Variants in CATSPERD observed in about 807,000 individuals in gnomAD.
The protein encoded by CATSPERD is cation channel sperm-associated auxiliary subunit delta.
Under a neutral mutation model 98.1 loss-of-function variants are expected in CATSPERD, and 86 were observed. The observed-to-expected ratio is 0.88, with a 90% CI of 0.74 to 1.05. The LOEUF is 1.05. Among genes scored for constraint, CATSPERD ranks in the 50% least tolerant of loss-of-function variants. The pLI is 0.00. For missense variants in CATSPERD, 995 were observed against 1,005.7 expected (o/e 0.99, Z 0.14); for synonymous variants, 394 against 390.2 (o/e 1.01, Z -0.12).
In CATSPERD at chr19:5,766,092, C is replaced by T; in HGVS notation, c.1507-11C>T. On this transcript the variant is annotated splice_polypyrimidine_tract_variant and intron_variant, in intron 16 of 21. Coordinates refer to ENST00000381624, the MANE Select transcript of CATSPERD (RefSeq NM_152784.4). ...GACCTGGGTCCATATTTCTGTCTCT[C>T]TCCTCTGCAGTCGACACTGATTTCA... is the stretch of plus-strand genomic sequence containing the variant. 1.9e-6 allele frequency: 3 copies of T among 1,611,246 alleles called. No individual in the cohort carries two copies. The highest frequency in any genetic ancestry group is 1.3e-5 in the African/African-American group (1 of 74,898).
intron 19 of CATSPERD, 85 bp downstream of exon 19, chr19:5,771,157 AG>A (rs1464088562): frequency 2.8e-6 from 4 of 1,421,332 alleles, no homozygotes; most frequent in Non-Finnish European, 3.8e-6. Flanking sequence ...CTGGCCCTCC[AG>A]GCTCCCCTAG....
chr19:5,722,730 A>ACCCC (rs34338163), intron 1 of CATSPERD, among the ~76,000 whole-genome samples: 4 of 140,002 alleles, frequency 2.9e-5, no homozygotes, highest in African/African-American at 8.1e-5. Context: ...GTTTATCAAG[A>ACCCC]CCCCCCCCCC....
At chr19:5,762,056 A>ATATATATATATATATATATATATATGTAT (rs1555725338) in intron 15 of CATSPERD, among the ~76,000 whole-genome samples, 1 of 14,480 alleles carries the variant, frequency 6.9e-5, no homozygotes, top group Non-Finnish European at 1.6e-4. Context: ...ATATATATAT[A>ATATATATATATATATATATATATATGTAT]TATTTTTTTT....
chr19:5,736,452 C>T (rs1028159767), intron 5 of CATSPERD, among the ~76,000 whole-genome samples: 2 of 152,170 alleles, frequency 1.3e-5, no homozygotes, highest in Admixed American at 6.6e-5. Flanking sequence ...CGCGGTGGCT[C>T]ATGCCTGTAA....
chr19:5,738,352 C>CAAAAACAAAAAAA (rs2055888706), intron 6 of CATSPERD, among the ~76,000 whole-genome samples: 1 of 104,954 alleles, frequency 9.5e-6, no homozygotes, highest in Admixed American at 1.1e-4. Context: ...ACTCAAAATA[C>CAAAAACAAAAAAA]AAAAAAAAAA....
chr19:5,762,059 T>TATA lies in CATSPERD; in HGVS notation c.1428-1156_1428-1155insATA, dbSNP rs1491269022. Among the ~76,000 whole-genome samples the TATA allele has an allele frequency of 2.7e-4, 5 of 18,626 alleles. No homozygotes were observed. The Admixed American group carries it at 3.3e-3, about 12-fold the overall frequency. The allele number at this position is 18,626 out of a possible 152,430, so 12.2% of individuals were successfully genotyped here. A position where few individuals can be genotyped will look rare whatever the true frequency, so the allele number is the denominator to read the frequency against. On this transcript the variant is annotated intron_variant, in intron 15 of 21. Transcript: ENST00000381624. Reference sequence around the variant, plus strand: ...GGCCTGCCATATATATATATATATATTTTTTTTTTTTTTTTTTTTTTTGAG... The same window carrying TATA: ...GGCCTGCCATATATATATATATATATATATTTTTTTTTTTTTTTTTTTTTTGAG...
chr19:5,757,319 C>T (rs1302558292), intron 13 of CATSPERD, among the ~76,000 whole-genome samples: 9 of 133,826 alleles, frequency 6.7e-5, no homozygotes, highest in African/African-American at 1.4e-4. Flanking sequence ...TTTTTTGAGA[C>T]GGAATCTTGC....
chr19:5,749,440 TCAA>T lies in CATSPERD; in HGVS notation c.987+268_987+270del, dbSNP rs754303221. Among the ~76,000 whole-genome samples the T allele has an allele frequency of 1.8e-3, 271 of 152,134 alleles. 1 individual carries two copies. The highest frequency in any genetic ancestry group is 2.1e-3 in the Non-Finnish European group (144 of 68,000). On this transcript the variant is annotated intron_variant, in intron 11 of 21. Transcript: ENST00000381624. The stretch of plus-strand genomic sequence containing the variant: ...CTGGAAGGCAGAGTAAGACTCTGTC[TCAA>T]CAACAACAACGACAACAGAAAGTGG...
At chr19:5,732,990 T>C in intron 4 of CATSPERD, among the ~76,000 whole-genome samples, 1 of 151,938 alleles carries the variant, frequency 6.6e-6, no homozygotes, top group East Asian at 1.9e-4. Flanking sequence ...AATGTTTTTT[T>C]TCTTTTCTTT....
At chr19:5,742,213 T>C (rs930496269) in intron 7 of CATSPERD, among the ~76,000 whole-genome samples, 1 of 49,088 alleles carries the variant, frequency 2.0e-5, no homozygotes. Flanking sequence ...TGTGTGCATG[T>C]GTGTACATGT....
rs1300915979 is a variant in CATSPERD, at chr19:5,759,080, C to G, written c.1369-6C>G. 2 of 1,613,682 alleles carry G rather than the reference C, an allele frequency of 1.2e-6. No homozygotes were observed. Among genetic ancestry groups the G allele is most frequent in the South Asian group, 1.1e-5 (1 of 91,080 alleles). On this transcript the variant is annotated splice_polypyrimidine_tract_variant and splice_region_variant and intron_variant, in intron 14 of 21. Transcript: ENST00000381624. ...ACACTTGGGATTTTCTCTCTTGACC[C>G]CACAGGATATTTTCCTAAAACAGCA...
chr19:5,735,362 G>A (rs1266865246), intron 5 of CATSPERD, among the ~76,000 whole-genome samples: 5 of 152,044 alleles, frequency 3.3e-5, no homozygotes, highest in Admixed American at 2.6e-4. Flanking sequence ...CCAGGCTGGA[G>A]TGCGATCGCA....
At chr19:5,721,111 G>C (rs1022625799) in intron 1 of CATSPERD, among the ~76,000 whole-genome samples, 1 of 149,134 alleles carries the variant, frequency 6.7e-6, no homozygotes, top group African/African-American at 2.5e-5. Flanking sequence ...CCATTCTCCT[G>C]CCTCAGCCTC....
In CATSPERD at chr19:5,746,055, A is replaced by G; in HGVS notation, c.800A>G (p.His267Arg). The change falls in exon 9 of 22, where the codon CAT becomes CGT. Residue 267 changes from histidine (H) to arginine (R), a missense_variant. Physicochemically the swap from His to Arg is conservative, Grantham distance 29. Around this residue, in one of 3 missense-constraint regions of CATSPERD, gnomAD observed 762 missense variants for 773.7 expected, o/e 0.98. Transcript: ENST00000381624. ...LWFENSLLFS[H>R]NAGQLVDTVR... ...TTTGAGAACAGCCTGTTGTTTTCCC[A>G]TAATGCAGGTGAGCCCAGGGGCCCA... 1 of 1,613,862 alleles carries G rather than the reference A, an allele frequency of 6.2e-7. No homozygotes were observed. Among genetic ancestry groups the G allele is most frequent in the Non-Finnish European group, 8.5e-7 (1 of 1,180,006 alleles).
At chr19:5,728,055 A>G (rs1433260923) in intron 3 of CATSPERD, among the ~76,000 whole-genome samples, 1 of 142,618 alleles carries the variant, frequency 7.0e-6, no homozygotes, top group Admixed American at 7.1e-5. Flanking sequence ...AAAAAAAAAA[A>G]TACAGAAAAT....
At chr19:5,763,815 G>A (rs2056486957) in intron 16 of CATSPERD, among the ~76,000 whole-genome samples, 1 of 136,706 alleles carries the variant, frequency 7.3e-6, no homozygotes, top group Non-Finnish European at 1.6e-5. Flanking sequence ...GAGATGGAGT[G>A]TCACCATGTT....
At chr19:5,725,879 C>T (rs1013960684) in intron 2 of CATSPERD, among the ~76,000 whole-genome samples, 3 of 151,492 alleles carry the variant, frequency 2.0e-5, no homozygotes, top group East Asian at 2.0e-4. Flanking sequence ...CAGCCTGGGG[C>T]GACAGAGCCA....
Position 5,778,469 on chromosome 19 carries a change from C to T in CATSPERD, c.2190C>T (p.Ile730=), listed in dbSNP as rs1216531195. 9 of 1,613,922 alleles carry T rather than the reference C, an allele frequency of 5.6e-6. No homozygotes were observed. The highest frequency in any genetic ancestry group is 6.8e-6 in the Non-Finnish European group (8 of 1,180,040). The change falls in exon 22 of 22, where the codon ATC becomes ATT. Residue 730 remains isoleucine, a synonymous_variant. Transcript: ENST00000381624. The part of the protein sequence containing the change: ...VSAGVVILLI[I]SSILGSVWLA... ...CTGGAGTCGTCATCCTACTGATCAT[C>T]TCCAGCATCCTGGGGTCCGTTTGGC...
rs2055677057 is a variant in CATSPERD, at chr19:5,729,732, A to C, written c.204-140A>C. On this transcript the variant is annotated intron_variant, in intron 3 of 21. Transcript: ENST00000381624. Reference sequence around the variant, plus strand: ...GGACTGTAGAGGTTTATTTATGCAAAATAAGTAAATTATATCTAAATGACT... The same window carrying C: ...GGACTGTAGAGGTTTATTTATGCAACATAAGTAAATTATATCTAAATGACT... 5.3e-6 allele frequency: 3 copies of C among 565,936 alleles called. No homozygotes were observed. In the South Asian group the frequency reaches 7.9e-5, roughly 15 times the overall value. The allele number at this position is 565,936 out of a possible 1,614,324, so 35.1% of individuals were successfully genotyped here.
Sources: gnomAD v4.1 joint callset for allele counts (sites outside exome capture counted in the v4.1 genomes callset) on GRCh38, gnomAD v4.1.1 for gene constraint, gnomAD v4.1.1 regional missense constraint, MANE v1.5 for transcripts, NCBI Gene and HGNC (gene_info 2026-07-23, HGNC 2026-07-21) for gene names.